The following PALM2AKAP2 variants were observed in gnomAD, a reference collection of about 807,000 sequenced individuals.
PALM2AKAP2 encodes PALM2-AKAP2 fusion protein.
Under a neutral mutation model 71.5 loss-of-function variants are expected in PALM2AKAP2, and 37 were observed. That is an observed-to-expected ratio of 0.52 (90% CI 0.40 to 0.68). The LOEUF (loss-of-function observed/expected upper bound fraction) is 0.68. PALM2AKAP2 is among the 30% of genes least tolerant of loss of function. The pLI is 0.00. For synonymous variants in PALM2AKAP2, 468 were observed against 478.8 expected (o/e 0.98, Z 0.29); for missense variants, 1,224 against 1,191.8 (o/e 1.03, Z -0.40).
chr9:109,642,996 G>A (rs920868882), intron 1 of PALM2AKAP2, among the ~76,000 whole-genome samples: 1 of 151,260 alleles, frequency 6.6e-6, no homozygotes, highest in African/African-American at 2.4e-5. Context: ...TGCACTGGGT[G>A]ACAGAGCAAA....
chr9:110,146,993 G>A (rs1836189674), intron 2 of PALM2AKAP2, among the ~76,000 whole-genome samples: 1 of 152,090 alleles, frequency 6.6e-6, no homozygotes, highest in African/African-American at 2.4e-5. Context: ...GCTCATGCCT[G>A]TAATCCCAGC....
At chr9:109,964,720 T>A (rs912026205) in intron 6 of PALM2AKAP2, among the ~76,000 whole-genome samples, 1 of 152,124 alleles carries the variant, frequency 6.6e-6, no homozygotes, top group African/African-American at 2.4e-5. Flanking sequence ...TGGACTTGAG[T>A]ATAACTTTGC....
upstream of PALM2AKAP2, among the ~76,000 whole-genome samples, chr9:110,045,655 C>A (rs1312889557): frequency 1.3e-5 from 2 of 152,088 alleles, no homozygotes; most frequent in African/African-American, 2.4e-5. Context: ...GCAATCTCTG[C>A]CGCCCGTGTT....
At chr9:110,044,641 C>T (rs1323762535), upstream of PALM2AKAP2, among the ~76,000 whole-genome samples, 2 of 151,504 alleles carry the variant, frequency 1.3e-5, no homozygotes, top group Non-Finnish European at 2.9e-5. Context: ...CGTGCCACCA[C>T]ACCCGGCCTT....
At chr9:110,117,931 G>GTA (rs1835399156) in intron 1 of PALM2AKAP2, among the ~76,000 whole-genome samples, 1 of 150,162 alleles carries the variant, frequency 6.7e-6, no homozygotes, top group Non-Finnish European at 1.5e-5. Context: ...AGAATAAAGT[G>GTA]TATATATATA....
In PALM2AKAP2 at chr9:109,835,509, T is replaced by C. The variant is rs190937245; in HGVS notation, c.46-31982T>C. On this transcript the variant is annotated intron_variant, in intron 1 of 9. Transcript: ENST00000302798. ...CAACTGAGGTACTGGGTTCATCTCATTGGGGCTTGTCGGACAGTGGGTGCA... is the reference window on the plus strand; with the variant it reads ...CAACTGAGGTACTGGGTTCATCTCACTGGGGCTTGTCGGACAGTGGGTGCA... Among the ~76,000 whole-genome samples, 175 of 152,166 alleles carry C rather than the reference T, an allele frequency of 1.2e-3. 1 individual carries two copies. The highest frequency in any genetic ancestry group is 9.6e-3 in the South Asian group (46 of 4,812).
intron 7 of PALM2AKAP2, among the ~76,000 whole-genome samples, chr9:110,021,013 C>T (rs1833065598): frequency 1.3e-5 from 2 of 151,336 alleles, no homozygotes; most frequent in Non-Finnish European, 3.0e-5. Flanking sequence ...GGCTGAAGCA[C>T]GAGAATCATT....
At chr9:110,061,659 A>G (rs965047912) in intron 1 of PALM2AKAP2, among the ~76,000 whole-genome samples, 5 of 149,364 alleles carry the variant, frequency 3.3e-5, no homozygotes, top group African/African-American at 1.2e-4. Context: ...GTGTGTGTGT[A>G]CATATATATA....
chr9:109,997,469 C>T (rs1832595183), intron 6 of PALM2AKAP2, among the ~76,000 whole-genome samples: 1 of 152,134 alleles, frequency 6.6e-6, no homozygotes, highest in Non-Finnish European at 1.5e-5. Flanking sequence ...AGACATGGGG[C>T]CACACTGGCA....
intron 1 of PALM2AKAP2, chr9:110,125,411 A>G: frequency 3.8e-6 from 3 of 790,382 alleles, no homozygotes; most frequent in Non-Finnish European, 3.1e-6. Context: ...TCTCCGAAGG[A>G]GGTTAAAGTC....
intron 1 of PALM2AKAP2, among the ~76,000 whole-genome samples, chr9:110,117,919 A>C (rs1835398887): frequency 6.6e-6 from 1 of 151,764 alleles, no homozygotes; most frequent in African/African-American, 2.4e-5. Context: ...AACTATGTAT[A>C]TAGAATAAAG....
intron 2 of PALM2AKAP2, among the ~76,000 whole-genome samples, chr9:110,145,796 C>T (rs1410182300): frequency 3.5e-5 from 5 of 142,564 alleles, no homozygotes; most frequent in African/African-American, 1.1e-4. Flanking sequence ...CAGGACTTTT[C>T]AAAGTATAGA....
At chr9:110,137,632 C>A in exon 2 of PALM2AKAP2, 1 of 1,614,024 alleles carries the variant, frequency 6.2e-7, no homozygotes, top group Non-Finnish European at 8.5e-7. Context: ...TCAATGTCTC[C>A]TTGACCCAAG....
chr9:110,122,529 G>A (rs983618810), intron 1 of PALM2AKAP2, among the ~76,000 whole-genome samples: 1 of 152,228 alleles, frequency 6.6e-6, no homozygotes, highest in African/African-American at 2.4e-5. Flanking sequence ...CCTCTGCAGA[G>A]TGCATGATAA....
intron 6 of PALM2AKAP2, among the ~76,000 whole-genome samples, chr9:109,985,035 G>A (rs988465311): frequency 6.6e-6 from 1 of 152,076 alleles, no homozygotes; most frequent in Non-Finnish European, 1.5e-5. Flanking sequence ...AATTAGCCAG[G>A]CATGGTGGTG....
chr9:109,679,372 G>A (rs1286219434), intron 1 of PALM2AKAP2, among the ~76,000 whole-genome samples: 1 of 152,188 alleles, frequency 6.6e-6, no homozygotes, highest in East Asian at 1.9e-4. Flanking sequence ...TCCCTAGCCA[G>A]ATGACTTTGT....
intron 1 of PALM2AKAP2, among the ~76,000 whole-genome samples, chr9:109,843,301 C>CAAAAAAAAAA (rs35634219): frequency 4.5e-5 from 3 of 66,980 alleles, no homozygotes; most frequent in African/African-American, 7.0e-5. Flanking sequence ...GCCCCTGTCT[C>CAAAAAAAAAA]AAAAAAAAAA....
chr9:110,135,090 C>T (rs1588128038), intron 1 of PALM2AKAP2, among the ~76,000 whole-genome samples: 1 of 140,202 alleles, frequency 7.1e-6, no homozygotes, highest in African/African-American at 2.7e-5. Flanking sequence ...CTGAGGCGGG[C>T]AGATTACTTG....
Position 109,831,546 on chromosome 9 carries a change from G to A in PALM2AKAP2, c.46-35945G>A, listed in dbSNP as rs530368137. Among the ~76,000 whole-genome samples, 12 of 152,270 alleles carry A rather than the reference G, an allele frequency of 7.9e-5. No homozygotes were observed. The South Asian group carries it at 2.3e-3, about 29-fold the overall frequency. ...CAGCAGAGCCAGTTGCCTGAGGGAG[G>A]TTACTGAATCTTCTGGGAGTCGTTT... On this transcript the variant is annotated intron_variant, in intron 1 of 9. Transcript: ENST00000302798.
Sources: allele counts gnomAD v4.1 joint callset (sites outside exome capture counted in the v4.1 genomes callset), GRCh38; gene constraint gnomAD v4.1.1; transcripts MANE v1.5; gene names NCBI Gene and HGNC (gene_info 2026-07-23, HGNC 2026-07-21).